Variants in SLC25A32 observed in about 807,000 individuals in gnomAD.
SLC25A32 encodes Glycine auxotroph B, complementation of hamster.
In SLC25A32, 32 loss-of-function variants were observed where a neutral mutation model predicts 39.0. The ratio of observed to expected loss-of-function variants is 0.82; its 90% confidence interval spans 0.62 to 1.10. The LOEUF is 1.10. SLC25A32 is among the 50% of genes least tolerant of loss of function. The probability of loss-of-function intolerance (pLI) is 0.00; values close to 1 mark genes in which losing one functional copy is unlikely to be tolerated. For synonymous variants in SLC25A32, 166 were observed against 152.4 expected, an observed-to-expected ratio of 1.09 and a Z score of -0.66; for missense variants, 367 against 395.3, an observed-to-expected ratio of 0.93 and a Z score of 0.61.
At chr8:103,404,967 T>C in intron 2 of SLC25A32, 106 bp from the exon 3 acceptor site, 1 of 613,540 alleles carries the variant, frequency 1.6e-6, no homozygotes, top group South Asian at 2.5e-5. Context: ...AGTCAATGCA[T>C]AATGCAACCA....
chr8:103,405,637 C>T (rs987924956), intron 2 of SLC25A32, among the ~76,000 whole-genome samples: 23 of 151,790 alleles, frequency 1.5e-4, no homozygotes, highest in East Asian at 5.8e-4. Context: ...TCTTGGATGA[C>T]GATGTCAAGT....
At position 103,414,850 on chromosome 8, in the gene SLC25A32, C is replaced by A. The variant is rs1199470850; in HGVS notation, c.88G>T (p.Val30Leu). 1.9e-6 allele frequency: 3 copies of A among 1,613,646 alleles called. No homozygotes were observed. Among genetic ancestry groups the A allele is most frequent in the South Asian group, 2.2e-5 (2 of 91,046 alleles). Residue 30 changes from valine to leucine, a missense_variant, in exon 1 of 7, where the codon GTG (valine) becomes TTG (leucine). By Grantham distance (32) the Val-to-Leu change is conservative (BLOSUM62 1). Transcript: ENST00000297578. ...AGGTTGGATAAGACGCCGCCGCTCA[C>A]GCCCGCTATCAGGTTCTCATACCGG... ...HVRYENLIAG[V>L]SGGVLSNLAL...
chr8:103,405,913 C>G (rs1816319970), intron 2 of SLC25A32, among the ~76,000 whole-genome samples: 1 of 152,080 alleles, frequency 6.6e-6, no homozygotes, highest in Admixed American at 6.5e-5. Flanking sequence ...ATGTGATCCT[C>G]CCACCTTGGC....
At chr8:103,402,867 G>A (rs1449449577) in intron 4 of SLC25A32, among the ~76,000 whole-genome samples, 1 of 152,104 alleles carries the variant, frequency 6.6e-6, no homozygotes, top group Non-Finnish European at 1.5e-5. Flanking sequence ...CAGCTTCCAA[G>A]GAATGGAGTA....
rs1816161119 is a variant in SLC25A32 at position 103,398,975 on chromosome 8, A to G, written c.*1436T>C. 2.0e-5 allele frequency: 3 copies of G among 152,382 alleles called. No homozygotes were observed. In the South Asian group the frequency reaches 6.2e-4, roughly 32 times the overall value. 9.4% of individuals were successfully genotyped at this position (152,382 alleles called of 1,614,324 possible). ...ACTATTTAAAGATGGCTTTGAAAAC[A>G]ACACTTTTATTTACAACAAATAGAT... On this transcript the variant is annotated 3_prime_UTR_variant, in exon 7 of 7. Coordinates refer to ENST00000297578, the MANE Select transcript of SLC25A32 (RefSeq NM_030780.5).
Position 103,400,523 on chromosome 8 carries a change from T to TA in SLC25A32, c.835dup (p.Tyr279LeufsTer7). On this transcript the variant is annotated frameshift_variant, in exon 7 of 7. Transcript: ENST00000297578. LOFTEE classifies it high-confidence loss of function. The stretch of plus-strand genomic sequence containing the variant: ...AATCAAATTAGGAGCAATTCCCTTG[T>TA]AAAATCCACCGACGCCTTCTTTCCT... 6.2e-7 allele frequency: 1 copy of TA among 1,614,144 alleles called. No homozygotes were observed. The highest frequency in any genetic ancestry group is 1.3e-5 in the African/African-American group (1 of 75,070).
chr8:103,401,950 T>C lies in SLC25A32; in HGVS notation c.657A>G (p.Glu219=). 6.2e-7 allele frequency: 1 copy of C among 1,608,166 alleles called. No homozygotes were observed. The highest frequency in any genetic ancestry group is 1.1e-5 in the South Asian group (1 of 89,988). The change falls in exon 5 of 7, where the codon GAA becomes GAG. Residue 219 remains glutamate (E), a synonymous_variant. Coordinates refer to ENST00000297578, the MANE Select transcript of SLC25A32 (RefSeq NM_030780.5). ...KYNQHINRLP[E]AQLSTVEYIS... ...ACAAGAATAATCTTACCAACTGGGC[T>C]TCTGGTAATCTATTGATATGCTGGT...
At chr8:103,403,819 A>G (rs1012955860) in intron 3 of SLC25A32, among the ~76,000 whole-genome samples, 5 of 152,172 alleles carry the variant, frequency 3.3e-5, no homozygotes, top group Admixed American at 1.3e-4. Context: ...AGTAACTACT[A>G]CCCCTCAAAA....
chr8:103,403,231 T>C lies in SLC25A32; in HGVS notation c.485A>G (p.Gln162Arg). The C allele has an allele frequency of 6.2e-7, 1 of 1,613,050 alleles. No homozygotes were observed. The highest frequency in any genetic ancestry group is 2.2e-5 in the East Asian group (1 of 44,820). Reference sequence around the variant, plus strand: ...AAGTGTATCAAACATTCCTTTATATTGTCGGTGTGGGGAGTTAACAACAGC... The same window carrying C: ...AAGTGTATCAAACATTCCTTTATATCGTCGGTGTGGGGAGTTAACAACAGC... ...YDAVVNSPHR[Q>R]YKGMFDTLVK... is the part of the protein sequence containing the mutation. The change falls in exon 4 of 7, where the codon CAA (glutamine) becomes CGA (arginine). Residue 162 changes from glutamine (Q) to arginine (R), a missense_variant. Coordinates refer to ENST00000297578, the MANE Select transcript of SLC25A32 (RefSeq NM_030780.5).
intron 2 of SLC25A32, among the ~76,000 whole-genome samples, chr8:103,405,106 T>C (rs1231363253): frequency 1.3e-5 from 2 of 152,098 alleles, no homozygotes; most frequent in African/African-American, 4.8e-5. Flanking sequence ...CACTCATCAA[T>C]TAACTTCAAA....
At position 103,401,520 on chromosome 8, in the gene SLC25A32, A is replaced by T. The variant is rs1209946662; in HGVS notation, c.808T>A (p.Trp270Arg). Residue 270 changes from tryptophan to arginine, a missense_variant, in exon 6 of 7, where the codon TGG (tryptophan) becomes AGG (arginine). Transcript: ENST00000297578. Reference sequence around the variant, plus strand: ...TGATATAGCACGTGCTCTCACCTCCATGTCTTTGTGATTACATCTATTACA... The same window carrying T: ...TGATATAGCACGTGCTCTCACCTCCTTGTCTTTGTGATTACATCTATTACA... The part of the protein sequence containing the change: ...SGVIDVITKT[W>R]RKEGVGGFYK... 1 of 1,612,364 alleles carries T rather than the reference A, an allele frequency of 6.2e-7. No homozygotes were observed. Among genetic ancestry groups the T allele is most frequent in the Admixed American group, 1.7e-5 (1 of 59,666 alleles).
At chr8:103,413,200 T>C (rs546939539) in intron 1 of SLC25A32, among the ~76,000 whole-genome samples, 11 of 152,210 alleles carry the variant, frequency 7.2e-5, no homozygotes, top group Non-Finnish European at 1.5e-4. Context: ...CAAAGCACTG[T>C]CTAAACTCAT....
chr8:103,408,663 T>C (rs1371239189), intron 1 of SLC25A32, among the ~76,000 whole-genome samples: 1 of 152,150 alleles, frequency 6.6e-6, no homozygotes, highest in Admixed American at 6.5e-5. Context: ...CTTGAACATA[T>C]CCAAAATTGA....
chr8:103,400,333 A>G lies in SLC25A32; in HGVS notation c.*78T>C. 1 of 1,525,104 alleles carries G rather than the reference A, an allele frequency of 6.6e-7. No individual in the cohort carries two copies. The highest frequency in any genetic ancestry group is 9.0e-7 in the Non-Finnish European group (1 of 1,111,440). 94.5% of individuals were successfully genotyped at this position (1,525,104 alleles called of 1,614,324 possible). On this transcript the variant is annotated 3_prime_UTR_variant, in exon 7 of 7. Transcript: ENST00000297578. ...GAATATGAGCCATGTTTCTATGCAGAATTCTTCTTTTATGCCTTAAACACA... is the reference window on the plus strand; with the variant it reads ...GAATATGAGCCATGTTTCTATGCAGGATTCTTCTTTTATGCCTTAAACACA...
chr8:103,414,909 C>A lies in SLC25A32; in HGVS notation c.29G>T (p.Gly10Val). MTGQGQSAS[G>V]SSAWSTVFRH... is the part of the protein sequence containing the mutation. ...GAATACCGTGCTCCACGCCGACGAC[C>A]CGGACGCCGACTGGCCCTGGCCCGT... The change falls in exon 1 of 7, where the codon GGG becomes GTG. Residue 10 changes from glycine (G) to valine (V), a missense_variant. Gly to Val is a moderately radical substitution (Grantham distance 109). Coordinates refer to ENST00000297578, the MANE Select transcript of SLC25A32 (RefSeq NM_030780.5). 1 of 1,610,390 alleles carries A rather than the reference C, an allele frequency of 6.2e-7. No individual in the cohort carries two copies. The highest frequency in any genetic ancestry group is 8.5e-7 in the Non-Finnish European group (1 of 1,178,746).
chr8:103,407,843 T>G, intron 1 of SLC25A32, 59 bp from the exon 2 acceptor site: 1 of 1,459,892 alleles, frequency 6.8e-7, no homozygotes, highest in Non-Finnish European at 9.5e-7. Flanking sequence ...GTATCACATA[T>G]AAACACAGAC....
intron 1 of SLC25A32, among the ~76,000 whole-genome samples, chr8:103,409,935 A>T (rs80183778): frequency 6.6e-6 from 1 of 152,196 alleles, no homozygotes; most frequent in East Asian, 1.9e-4. Flanking sequence ...TGAGGTTTAT[A>T]TAAGACAACA....
At chr8:103,412,282 T>C (rs776376496) in intron 1 of SLC25A32, among the ~76,000 whole-genome samples, 3 of 152,256 alleles carry the variant, frequency 2.0e-5, no homozygotes, top group Non-Finnish European at 2.9e-5. Context: ...GATGTAGTCA[T>C]AGTCTCTACA....
chr8:103,405,003 A>C, intron 2 of SLC25A32, 142 bp from the exon 3 acceptor site: 2 of 538,122 alleles, frequency 3.7e-6, no homozygotes, highest in South Asian at 5.7e-5. Flanking sequence ...TTCAAGAATG[A>C]ATTTGCTGGA....
Sources: allele counts gnomAD v4.1 joint callset (sites outside exome capture counted in the v4.1 genomes callset), GRCh38; gene constraint gnomAD v4.1.1; transcripts MANE v1.5; gene names NCBI Gene and HGNC (gene_info 2026-07-23, HGNC 2026-07-21).